The following BDKRB2 variants were observed in gnomAD, a reference collection of about 807,000 sequenced individuals.
BDKRB2 encodes the protein bradykinin receptor B2, also known as B2 bradykinin receptor.
BDKRB2 carries 6 observed loss-of-function variants against 4.0 expected under a neutral mutation model. That is an observed-to-expected ratio of 1.49 (90% CI 0.81 to 2.93). The LOEUF is 2.93. BDKRB2 is among the 30% of genes most tolerant of loss of function. BDKRB2 has a pLI of 0.00. For synonymous variants in BDKRB2, 225 were observed against 215.3 expected (o/e 1.05, Z -0.40); for missense variants, 478 against 520.1 (o/e 0.92, Z 0.79).
intron 1 of BDKRB2, among the ~76,000 whole-genome samples, chr14:96,213,947 T>C (rs1306257434): frequency 6.6e-6 from 1 of 151,744 alleles, no homozygotes; most frequent in Non-Finnish European, 1.5e-5. Flanking sequence ...GGTCGAGAGG[T>C]GGGAACTCCC....
chr14:96,214,842 G>C (rs915670284), intron 1 of BDKRB2: 3 of 152,256 alleles, frequency 2.0e-5, no homozygotes, highest in Non-Finnish European at 4.4e-5. Context: ...CAGATTGACT[G>C]GAGGTTGGGG....
rs540853168 is a variant in BDKRB2, at chr14:96,234,504, C to G, written c.-39-2565C>G. 1.2e-3 allele frequency among the ~76,000 whole-genome samples: 187 copies of G among 152,260 alleles called. 1 individual carries two copies. Among genetic ancestry groups the G allele is most frequent in the Non-Finnish European group, 2.3e-3 (155 of 68,016 alleles). On this transcript the variant is annotated intron_variant, in intron 1 of 2. Coordinates refer to ENST00000554311, the MANE Select transcript of BDKRB2 (RefSeq NM_001379692.1). ...ACCCATCAGGGCTCCCAAGCAGGGG[C>G]CACAGAGGAGAAGCCAGGAGGTGAC...
intron 1 of BDKRB2, among the ~76,000 whole-genome samples, chr14:96,218,533 G>A (rs1890480007): frequency 1.3e-5 from 2 of 152,124 alleles, no homozygotes; most frequent in South Asian, 4.1e-4. Context: ...GAAGCCCAAG[G>A]ACATGAGAGC....
At chr14:96,236,973 C>G in intron 1 of BDKRB2, 96 bp from the exon 2 acceptor site, 1 of 759,386 alleles carries the variant, frequency 1.3e-6, no homozygotes, top group South Asian at 1.6e-5. Context: ...GAGTCAGGGA[C>G]TCAGCAGTCT....
At chr14:96,239,661 C>G in intron 2 of BDKRB2, 1 of 947,434 alleles carries the variant, frequency 1.1e-6, no homozygotes, top group Non-Finnish European at 1.3e-6. Context: ...CTATCACAAC[C>G]CTGAGAGGTA....
intron 2 of BDKRB2, chr14:96,239,252 C>T (rs1289962067): frequency 3.1e-6 from 3 of 977,756 alleles, no homozygotes; most frequent in Non-Finnish European, 2.4e-6. Flanking sequence ...CACTCTTCAG[C>T]TTGAATGTTG....
chr14:96,220,213 C>T (rs941212575), intron 1 of BDKRB2, among the ~76,000 whole-genome samples: 1 of 151,898 alleles, frequency 6.6e-6, no homozygotes, highest in Non-Finnish European at 1.5e-5. Context: ...AGCCCCCACC[C>T]CTCCCCTGAG....
At chr14:96,216,028 T>A (rs1298536712) in intron 1 of BDKRB2, among the ~76,000 whole-genome samples, 1 of 152,146 alleles carries the variant, frequency 6.6e-6, no homozygotes, top group Admixed American at 6.5e-5. Flanking sequence ...GGCCTGCAGG[T>A]CAGACTCACA....
At chr14:96,225,129 C>T (rs1034964250) in intron 1 of BDKRB2, among the ~76,000 whole-genome samples, 1 of 152,160 alleles carries the variant, frequency 6.6e-6, no homozygotes, top group Admixed American at 6.5e-5. Flanking sequence ...GATCCCATTG[C>T]CTCTGCTTGC....
At chr14:96,229,689 G>A (rs886587933) in intron 1 of BDKRB2, among the ~76,000 whole-genome samples, 1 of 152,144 alleles carries the variant, frequency 6.6e-6, no homozygotes, top group Non-Finnish European at 1.5e-5. Context: ...GAGGGTTAGT[G>A]ACAGAGCAGA....
intron 1 of BDKRB2, among the ~76,000 whole-genome samples, chr14:96,230,143 A>G (rs892370105): frequency 7.2e-5 from 11 of 152,220 alleles, no homozygotes; most frequent in Non-Finnish European, 1.3e-4. Context: ...CAACAAAAAA[A>G]AAAAATTAAA....
intron 1 of BDKRB2, among the ~76,000 whole-genome samples, chr14:96,218,217 TCAC>T (rs936060381): frequency 1.3e-5 from 2 of 152,118 alleles, no homozygotes; most frequent in African/African-American, 4.8e-5. Flanking sequence ...TTTGGACAGG[TCAC>T]CTCCCTCTCA....
chr14:96,225,246 G>A (rs570470228), intron 1 of BDKRB2, among the ~76,000 whole-genome samples: 2 of 152,198 alleles, frequency 1.3e-5, no homozygotes, highest in East Asian at 3.9e-4. Context: ...TCCCAATGAG[G>A]AAATTAAAGC....
chr14:96,234,756 G>C (rs1890894107), intron 1 of BDKRB2, among the ~76,000 whole-genome samples: 2 of 152,232 alleles, frequency 1.3e-5, no homozygotes, highest in Admixed American at 1.3e-4. Flanking sequence ...GATCCAGCTG[G>C]GCTGATGTGG....
chr14:96,219,524 G>C (rs562440428), intron 1 of BDKRB2, among the ~76,000 whole-genome samples: 2 of 151,524 alleles, frequency 1.3e-5, no homozygotes, highest in African/African-American at 4.9e-5. Context: ...CAGAGGCAAT[G>C]GTGTGCTGGT....
Position 96,243,022 on chromosome 14 carries a change from A to AC in BDKRB2, c.*1519dup, listed in dbSNP as rs67192555. On this transcript the variant is annotated 3_prime_UTR_variant, in exon 3 of 3. Transcript: ENST00000554311. ...GAGAACTAGAACCTGGAGGGCTAGAACTGGAGAGGCTAGAACCAAGAAGGG... is the reference window on the plus strand; with the variant it reads ...GAGAACTAGAACCTGGAGGGCTAGAACCTGGAGAGGCTAGAACCAAGAAGGG... The AC allele has an allele frequency of 0.81, 120,120 of 147,434 alleles. 48,212 individuals are homozygous for AC. Among genetic ancestry groups the AC allele is most frequent in the African/African-American group, 0.93 (38,111 of 41,108 alleles). The allele number at this position is 147,434 out of a possible 1,614,324, so 9.1% of individuals were successfully genotyped here.
intron 1 of BDKRB2, among the ~76,000 whole-genome samples, chr14:96,207,151 T>C (rs1007533777): frequency 2.6e-5 from 4 of 152,202 alleles, no homozygotes; most frequent in South Asian, 2.1e-4. Flanking sequence ...CGGGGGACTC[T>C]GGTTTTCAGA....
At chr14:96,232,937 G>C (rs574117812) in intron 1 of BDKRB2, among the ~76,000 whole-genome samples, 13 of 152,310 alleles carry the variant, frequency 8.5e-5, no homozygotes, top group East Asian at 7.7e-4. Flanking sequence ...ACAAAAAACA[G>C]ATGAACAAGA....
chr14:96,228,597 C>G lies in BDKRB2; in HGVS notation c.-39-8472C>G, dbSNP rs531125606. Among the ~76,000 whole-genome samples, 3 of 152,334 alleles carry G rather than the reference C, an allele frequency of 2.0e-5. No individual in the cohort carries two copies. The South Asian group carries it at 6.2e-4, about 32-fold the overall frequency. Reference sequence around the variant, plus strand: ...CCTTCTCTGCCATGCTGCTCTGCTCCTCTGCCAGTGGAGTTTGGGGTTTTT... The same window carrying G: ...CCTTCTCTGCCATGCTGCTCTGCTCGTCTGCCAGTGGAGTTTGGGGTTTTT... On this transcript the variant is annotated intron_variant, in intron 1 of 2. Transcript: ENST00000554311.
Sources: gnomAD v4.1 joint callset for allele counts (sites outside exome capture counted in the v4.1 genomes callset) on GRCh38, gnomAD v4.1.1 for gene constraint, MANE v1.5 for transcripts, NCBI Gene and HGNC (gene_info 2026-07-23, HGNC 2026-07-21) for gene names.